The following NARS2 variants were observed in gnomAD, a reference collection of about 807,000 sequenced individuals.
NARS2 encodes the protein asparaginyl-tRNA synthetase 2, mitochondrial, also known as asparaginyl-tRNA synthetase.
In NARS2, 60 loss-of-function variants were observed where a neutral mutation model predicts 62.9. That is an observed-to-expected ratio of 0.95 (90% CI 0.77 to 1.18). NARS2 has a LOEUF of 1.18. NARS2 is among the 50% of genes most tolerant of loss of function. The pLI, the probability that NARS2 is intolerant of heterozygous loss-of-function variation, is 0.00. For synonymous variants in NARS2, 196 were observed against 200.0 expected (o/e 0.98, Z 0.17); for missense variants, 619 against 576.4 (o/e 1.07, Z -0.76).
intron 6 of NARS2, among the ~76,000 whole-genome samples, chr11:78,502,413 G>A (rs970146672): frequency 5.3e-5 from 8 of 152,214 alleles, no homozygotes; most frequent in African/African-American, 1.9e-4. Flanking sequence ...TTCTTATATG[G>A]ACACCAGTCA....
intron 9 of NARS2, among the ~76,000 whole-genome samples, chr11:78,471,290 G>C (rs112774288): frequency 6.6e-6 from 1 of 152,144 alleles, no homozygotes; most frequent in South Asian, 2.1e-4. Flanking sequence ...GCTGACTCCA[G>C]AGTATAAGCT....
chr11:78,566,094 CTG>C, intron 4 of NARS2, 36 bp downstream of exon 4: 1 of 1,527,492 alleles, frequency 6.5e-7, no homozygotes, highest in Non-Finnish European at 8.9e-7. Context: ...GTTATTAAAA[CTG>C]TTTAAAGGGT....
At chr11:78,552,858 T>A (rs895417427) in intron 5 of NARS2, among the ~76,000 whole-genome samples, 1 of 152,246 alleles carries the variant, frequency 6.6e-6, no homozygotes, top group Non-Finnish European at 1.5e-5. Context: ...CAGGCACGCA[T>A]CCTCAACTTT....
intron 6 of NARS2, among the ~76,000 whole-genome samples, chr11:78,522,056 C>G (rs192715597): frequency 2.6e-4 from 39 of 152,094 alleles, no homozygotes; most frequent in South Asian, 1.0e-3. Flanking sequence ...TGGGCTTAAG[C>G]GCCCTCCTGC....
chr11:78,495,033 T>C lies in NARS2; in HGVS notation c.690-1838A>G, dbSNP rs374833256. On this transcript the variant is annotated intron_variant, in intron 6 of 13. Coordinates refer to ENST00000281038, the MANE Select transcript of NARS2 (RefSeq NM_024678.6). ...TCCACAGCTATTGTCAGTGTAAACCTTTGTCTACTGCTTAGAAAATAACAG... is the reference window on the plus strand; with the variant it reads ...TCCACAGCTATTGTCAGTGTAAACCCTTGTCTACTGCTTAGAAAATAACAG... Among the ~76,000 whole-genome samples the C allele has an allele frequency of 1.4e-3, 206 of 152,324 alleles. 2 individuals are homozygous for C. The highest frequency in any genetic ancestry group is 4.8e-3 in the African/African-American group (201 of 41,578).
At chr11:78,459,399 T>C (rs1263721290) in intron 11 of NARS2, among the ~76,000 whole-genome samples, 1 of 151,074 alleles carries the variant, frequency 6.6e-6, no homozygotes, top group Middle Eastern at 3.2e-3. Flanking sequence ...GCCTCCCAAG[T>C]AGCTGGGATT....
intron 5 of NARS2, among the ~76,000 whole-genome samples, chr11:78,549,191 G>A (rs1855994135): frequency 6.6e-6 from 1 of 152,214 alleles, no homozygotes; most frequent in African/African-American, 2.4e-5. Flanking sequence ...GGTCCTGACA[G>A]CTTTTGCCCC....
chr11:78,498,411 G>A (rs1247843885), intron 6 of NARS2, among the ~76,000 whole-genome samples: 1 of 152,092 alleles, frequency 6.6e-6, no homozygotes, highest in African/African-American at 2.4e-5. Flanking sequence ...CTCCTCCAAA[G>A]TTACCCCTAG....
intron 11 of NARS2, among the ~76,000 whole-genome samples, chr11:78,450,666 C>CTTTTTTT (rs781420225): frequency 2.2e-4 from 22 of 101,578 alleles, no homozygotes; most frequent in African/African-American, 5.8e-4. Flanking sequence ...AAAGCCTTGT[C>CTTTTTTT]TTTTTTTTTT....
At chr11:78,493,256 A>AAT in intron 6 of NARS2, 61 bp from the exon 7 acceptor site, 2 of 1,493,796 alleles carry the variant, frequency 1.3e-6, no homozygotes, top group Non-Finnish European at 1.8e-6. Flanking sequence ...AAGTATTTAA[A>AAT]TATTCAGTGA....
chr11:78,523,853 T>C (rs990365006), intron 6 of NARS2, among the ~76,000 whole-genome samples: 1 of 152,058 alleles, frequency 6.6e-6, no homozygotes, highest in African/African-American at 2.4e-5. Context: ...GGAAAAAATT[T>C]GTCTTTTGGG....
intron 5 of NARS2, among the ~76,000 whole-genome samples, chr11:78,551,516 T>C (rs995035409): frequency 5.9e-5 from 9 of 152,224 alleles, no homozygotes; most frequent in African/African-American, 2.2e-4. Context: ...TTTCATATTT[T>C]ATGGTATGTG....
chr11:78,562,250 C>T (rs1392838796), intron 4 of NARS2, among the ~76,000 whole-genome samples: 1 of 151,568 alleles, frequency 6.6e-6, no homozygotes, highest in Non-Finnish European at 1.5e-5. Flanking sequence ...ACAGTGAGAT[C>T]CCATCTCTAC....
chr11:78,490,682 C>T (rs1859782141), intron 7 of NARS2, among the ~76,000 whole-genome samples: 1 of 151,744 alleles, frequency 6.6e-6, no homozygotes, highest in Non-Finnish European at 1.5e-5. Context: ...GCCTACAGAC[C>T]CAGTTACTCA....
chr11:78,503,071 C>T (rs1039005420), intron 6 of NARS2, among the ~76,000 whole-genome samples: 2 of 151,816 alleles, frequency 1.3e-5, no homozygotes, highest in Non-Finnish European at 2.9e-5. Flanking sequence ...TCCTTGCTAC[C>T]CTATAAGAGA....
chr11:78,509,506 T>C (rs1400279238), intron 6 of NARS2, among the ~76,000 whole-genome samples: 1 of 152,034 alleles, frequency 6.6e-6, no homozygotes, highest in African/African-American at 2.4e-5. Context: ...GCTCTGTTTG[T>C]TTTCTAACTG....
chr11:78,448,884 T>C (rs1591128910), intron 11 of NARS2, among the ~76,000 whole-genome samples: 1 of 152,220 alleles, frequency 6.6e-6, no homozygotes, highest in African/African-American at 2.4e-5. Context: ...CCTCTGGGTA[T>C]CTTTGCATGC....
intron 3 of NARS2, 40 bp downstream of exon 3, chr11:78,568,592 A>T: frequency 6.3e-7 from 1 of 1,588,554 alleles, no homozygotes; most frequent in Non-Finnish European, 8.6e-7. Context: ...TGTCTTAATT[A>T]AAGCCTAAAC....
intron 5 of NARS2, among the ~76,000 whole-genome samples, chr11:78,558,060 T>C (rs528722322): frequency 1.3e-5 from 2 of 152,242 alleles, no homozygotes; most frequent in African/African-American, 2.4e-5. Flanking sequence ...CTAAGGGATT[T>C]AGAAATGTAT....
Sources: gnomAD v4.1 joint callset for allele counts (sites outside exome capture counted in the v4.1 genomes callset) on GRCh38, gnomAD v4.1.1 for gene constraint, MANE v1.5 for transcripts, NCBI Gene and HGNC (gene_info 2026-07-23, HGNC 2026-07-21) for gene names.